RAD51B: variants seen among roughly 807,000 people sequenced by gnomAD.
The protein encoded by RAD51B is DNA repair protein RAD51 homolog 2.
RAD51B carries 38 observed loss-of-function variants against 42.2 expected under a neutral mutation model. The observed-to-expected ratio is 0.90, with a 90% confidence interval of 0.70 to 1.18. The LOEUF is 1.18. Ranked by LOEUF, RAD51B falls within the 50% of genes most tolerant of loss-of-function variation. RAD51B has a pLI of 0.00. For missense variants in RAD51B, 373 were observed against 400.7 expected, an observed-to-expected ratio of 0.93 and a Z score of 0.59; for synonymous variants, 154 against 145.2, an observed-to-expected ratio of 1.06 and a Z score of -0.43.
chr14:68,585,416 G>C (rs1296065278), intron 10 of RAD51B, among the ~76,000 whole-genome samples: 1 of 152,138 alleles, frequency 6.6e-6, no homozygotes, highest in South Asian at 2.1e-4. Flanking sequence ...GTCTCCCCTC[G>C]GACTTTCCCA....
At chr14:68,680,255 A>G (rs1273273275) in intron 11 of RAD51B, among the ~76,000 whole-genome samples, 1 of 152,138 alleles carries the variant, frequency 6.6e-6, no homozygotes, top group Non-Finnish European at 1.5e-5. Flanking sequence ...CTGTGGTGTA[A>G]ATATTCTCAC....
intron 9 of RAD51B, among the ~76,000 whole-genome samples, chr14:68,442,064 G>T (rs1044067165): frequency 6.6e-6 from 1 of 152,124 alleles, no homozygotes; most frequent in African/African-American, 2.4e-5. Flanking sequence ...TTGGGGGTGG[G>T]TCTAGAAATC....
chr14:68,242,841 C>T (rs2080420842), intron 7 of RAD51B, among the ~76,000 whole-genome samples: 1 of 152,144 alleles, frequency 6.6e-6, no homozygotes, highest in South Asian at 2.1e-4. Flanking sequence ...AGATCACCCA[C>T]CTAGTTAGTG....
chr14:68,540,166 C>CT lies in RAD51B; in HGVS notation c.1037-54294dup, dbSNP rs11321834. The CT allele has an allele frequency of 0.058, 33,189 of 571,806 alleles. 78 individuals carry two copies. The highest frequency in any genetic ancestry group is 0.062 in the Admixed American group (534 of 8,588). The allele number at this position is 571,806 out of a possible 1,614,324, so 35.4% of individuals were successfully genotyped here. On this transcript the variant is annotated intron_variant, in intron 10 of 10. Transcript: ENST00000487270. ...GACATGAGGGAATCCTACCCTGCTC[C>CT]TTTTTTTTTTTTTTTTTTTTTTTTT...
chr14:68,339,706 A>T (rs1441906641), intron 8 of RAD51B, among the ~76,000 whole-genome samples: 1 of 152,198 alleles, frequency 6.6e-6, no homozygotes, highest in Non-Finnish European at 1.5e-5. Flanking sequence ...TAAGATGAAC[A>T]TTGAATGTAC....
rs560071373 is a variant in RAD51B, at chr14:68,371,402, T to C, written c.854-40022T>C. On this transcript the variant is annotated intron_variant, in intron 8 of 10. Transcript: ENST00000471583. ...GCGTGGTGGTGCATGCCTGTAGTCCTAGCTACTTGGGAGGCTGAGGCAGAA... is the reference window on the plus strand; with the variant it reads ...GCGTGGTGGTGCATGCCTGTAGTCCCAGCTACTTGGGAGGCTGAGGCAGAA... Among the ~76,000 whole-genome samples the C allele has an allele frequency of 1.5e-4, 23 of 152,188 alleles. No homozygotes were observed. In the South Asian group the frequency reaches 2.5e-3, roughly 16 times the overall value.
chr14:68,204,273 G>T (rs879649402), intron 7 of RAD51B, among the ~76,000 whole-genome samples: 1 of 152,128 alleles, frequency 6.6e-6, no homozygotes, highest in Non-Finnish European at 1.5e-5. Flanking sequence ...TTTCAATATT[G>T]GTATTGTCTC....
chr14:68,356,940 G>A (rs1243301294), intron 8 of RAD51B, among the ~76,000 whole-genome samples: 3 of 128,440 alleles, frequency 2.3e-5, no homozygotes, highest in Admixed American at 1.0e-4. Flanking sequence ...CCGAGATCCC[G>A]CCACTGCACT....
chr14:67,930,341 GT>G (rs957506720), intron 7 of RAD51B, among the ~76,000 whole-genome samples: 20 of 148,396 alleles, frequency 1.3e-4, no homozygotes, highest in East Asian at 7.8e-4. Flanking sequence ...GTGTGTGTGT[GT>G]TTTTTTTTTC....
At chr14:68,627,483 G>A (rs1892113321) in intron 10 of RAD51B, 1 of 152,206 alleles carries the variant, frequency 6.6e-6, no homozygotes, top group African/African-American at 2.4e-5. Flanking sequence ...TGACTTGTCT[G>A]ATGGGGGAGA....
Position 68,394,124 on chromosome 14 carries a change from T to C in RAD51B, c.854-17300T>C, listed in dbSNP as rs79168385. On this transcript the variant is annotated intron_variant, in intron 8 of 10. Transcript: ENST00000471583. ...GTGTAGGGAGAGGTCAAGATGTCAT[T>C]TGGAATGATAATTTCTCTGATCAAA... is the stretch of plus-strand genomic sequence containing the variant. 9.1e-4 allele frequency among the ~76,000 whole-genome samples: 138 copies of C among 152,180 alleles called. 1 individual carries two copies. Among genetic ancestry groups the C allele is most frequent in the African/African-American group, 3.2e-3 (132 of 41,526 alleles).
chr14:68,409,409 T>C (rs1048705211), intron 8 of RAD51B, among the ~76,000 whole-genome samples: 12 of 152,202 alleles, frequency 7.9e-5, no homozygotes, highest in African/African-American at 2.9e-4. Flanking sequence ...TCTTTACTAA[T>C]GTACATTATT....
intron 10 of RAD51B, among the ~76,000 whole-genome samples, chr14:68,537,454 G>A (rs1271695631): frequency 5.3e-5 from 8 of 151,444 alleles, no homozygotes; most frequent in Admixed American, 1.3e-4. Context: ...AGCCGAGATC[G>A]CGCCACTGTA....
intron 9 of RAD51B, among the ~76,000 whole-genome samples, chr14:68,450,931 G>A (rs1233602189): frequency 1.3e-5 from 2 of 152,096 alleles, no homozygotes; most frequent in Non-Finnish European, 2.9e-5. Context: ...TGACTGTGGG[G>A]GCTCAGTGCC....
chr14:67,835,234 T>G (rs1045549921), intron 4 of RAD51B, 38 bp downstream of exon 4: 2 of 1,406,644 alleles, frequency 1.4e-6, no homozygotes, highest in Non-Finnish European at 2.0e-6. Context: ...TCCATTGACC[T>G]ATAACCTTCA....
chr14:67,982,755 G>T (rs565998145), intron 7 of RAD51B, among the ~76,000 whole-genome samples: 1 of 151,080 alleles, frequency 6.6e-6, no homozygotes, highest in Non-Finnish European at 1.5e-5. Flanking sequence ...AAAACCAAAT[G>T]ATTACTAAAC....
At chr14:68,647,522 G>A (rs1441249255) in intron 10 of RAD51B, among the ~76,000 whole-genome samples, 5 of 152,050 alleles carry the variant, frequency 3.3e-5, no homozygotes, top group Non-Finnish European at 7.4e-5. Context: ...GCCTGTTAAG[G>A]TTATTGTATC....
intron 7 of RAD51B, among the ~76,000 whole-genome samples, chr14:68,163,722 C>G (rs547068911): frequency 4.8e-4 from 73 of 152,146 alleles, no homozygotes; most frequent in Non-Finnish European, 6.3e-4. Context: ...AATGGCCACC[C>G]ACCTAGCATA....
At chr14:68,542,491 G>C (rs1270221858) in intron 10 of RAD51B, among the ~76,000 whole-genome samples, 1 of 152,146 alleles carries the variant, frequency 6.6e-6, no homozygotes, top group African/African-American at 2.4e-5. Context: ...AGTCAGGAAT[G>C]TGCAAATTGT....
Sources: gnomAD v4.1 joint callset for allele counts (sites outside exome capture counted in the v4.1 genomes callset) on GRCh38, gnomAD v4.1.1 for gene constraint, MANE v1.5 for transcripts, NCBI Gene and HGNC (gene_info 2026-07-23, HGNC 2026-07-21) for gene names.